The following TMEM232 variants were observed in gnomAD, a reference collection of about 807,000 sequenced individuals.
The protein encoded by TMEM232 is transmembrane protein 232.
Under a neutral mutation model 78.8 loss-of-function variants are expected in TMEM232, and 80 were observed. The observed-to-expected ratio is 1.01, with a 90% confidence interval of 0.85 to 1.22. The LOEUF (loss-of-function observed/expected upper bound fraction) is 1.22, where lower values mean the gene tolerates loss of function less well. Ranked by LOEUF, TMEM232 falls within the 50% of genes most tolerant of loss-of-function variation. The probability of loss-of-function intolerance (pLI) is 0.00; values close to 1 mark genes in which losing one functional copy is unlikely to be tolerated. For synonymous variants in TMEM232, 297 were observed against 254.3 expected (o/e 1.17, Z -1.60); for missense variants, 881 against 742.2 (o/e 1.19, Z -2.17).
chr5:110,417,953 G>A (rs1051337841), downstream of TMEM232: 8 of 152,120 alleles, frequency 5.3e-5, no homozygotes, highest in African/African-American at 1.9e-4. Flanking sequence ...TGCACTCCCA[G>A]AACCAGTTGT....
chr5:110,628,243 T>G (rs993787906), intron 5 of TMEM232, among the ~76,000 whole-genome samples: 7 of 152,134 alleles, frequency 4.6e-5, no homozygotes, highest in Non-Finnish European at 1.0e-4. Flanking sequence ...AAAATATATT[T>G]TACTGTACAA....
intron 8 of TMEM232, among the ~76,000 whole-genome samples, chr5:110,614,222 C>A (rs2149872794): frequency 6.6e-6 from 1 of 152,084 alleles, no homozygotes; most frequent in East Asian, 1.9e-4. Context: ...AAATATCCTC[C>A]CAGAAAAAGT....
chr5:110,649,304 T>C (rs1228311594), intron 2 of TMEM232, among the ~76,000 whole-genome samples: 1 of 152,080 alleles, frequency 6.6e-6, no homozygotes, highest in East Asian at 1.9e-4. Context: ...GATTTCTTTA[T>C]TTAAAAGGGT....
intron 1 of TMEM232, among the ~76,000 whole-genome samples, chr5:110,684,568 G>GT (rs1431162627): frequency 6.6e-6 from 1 of 152,158 alleles, no homozygotes; most frequent in African/African-American, 2.4e-5. Flanking sequence ...AAAGAGGTTT[G>GT]TAAGTGCAGC....
chr5:110,585,849 C>A (rs955845416), intron 10 of TMEM232, among the ~76,000 whole-genome samples: 1 of 152,030 alleles, frequency 6.6e-6, no homozygotes, highest in Non-Finnish European at 1.5e-5. Flanking sequence ...CCCTTCTCAC[C>A]CTTACCTTGA....
At chr5:110,488,587 A>C (rs1764709276) in intron 12 of TMEM232, among the ~76,000 whole-genome samples, 1 of 152,058 alleles carries the variant, frequency 6.6e-6, no homozygotes, top group African/African-American at 2.4e-5. Flanking sequence ...TAACCCTTGG[A>C]AGAAAACATA....
chr5:110,618,688 T>A, intron 7 of TMEM232, 126 bp from the exon 8 acceptor site: 1 of 1,018,974 alleles, frequency 9.8e-7, no homozygotes, highest in Non-Finnish European at 1.4e-6. Context: ...TCTTACACTT[T>A]ATATTTCACC....
chr5:110,444,432 A>G (rs988354981), intron 12 of TMEM232, among the ~76,000 whole-genome samples: 1 of 152,050 alleles, frequency 6.6e-6, no homozygotes, highest in African/African-American at 2.4e-5. Flanking sequence ...ATGTAGCCAC[A>G]GCTGGGGGGT....
intron 12 of TMEM232, among the ~76,000 whole-genome samples, chr5:110,462,371 A>G (rs1209800132): frequency 6.6e-6 from 1 of 152,170 alleles, no homozygotes; most frequent in Non-Finnish European, 1.5e-5. Flanking sequence ...ATGGAGATTA[A>G]TATTCGAGTT....
rs374219408 is a variant in TMEM232, at chr5:110,520,050, T to TATATAG, written c.1703+8537_1703+8538insCTATAT. ...TTATATATTTATGTATATATATATA[T>TATATAG]AGAGAGAGAGAGAGAGAGGATTAGG... On this transcript the variant is annotated intron_variant, in intron 12 of 13. Transcript: ENST00000455884. Among the ~76,000 whole-genome samples, 82 of 147,258 alleles carry TATATAG rather than the reference T, an allele frequency of 5.6e-4. 1 individual carries two copies. Among genetic ancestry groups the TATATAG allele is most frequent in the South Asian group, 1.5e-3 (7 of 4,614 alleles).
chr5:110,604,918 T>G (rs1187232984), intron 10 of TMEM232, among the ~76,000 whole-genome samples, 191 bp downstream of exon 10: 1 of 152,134 alleles, frequency 6.6e-6, no homozygotes, highest in East Asian at 1.9e-4. Context: ...ATCACGCCAC[T>G]GCACCGCAGC....
At chr5:110,509,002 A>ATATATAAAATTATATATGTG (rs1767353285) in intron 12 of TMEM232, among the ~76,000 whole-genome samples, 1 of 130,140 alleles carries the variant, frequency 7.7e-6, no homozygotes, top group African/African-American at 3.8e-5. Flanking sequence ...ATATATGTAT[A>ATATATAAAATTATATATGTG]TATATATGTA....
At chr5:110,737,869 C>T (rs1283417252) in intron 1 of TMEM232, 1 of 153,460 alleles carries the variant, frequency 6.5e-6, no homozygotes, top group African/African-American at 2.4e-5. Context: ...AGACTCAACA[C>T]CTTTGCCCAA....
intron 4 of TMEM232, among the ~76,000 whole-genome samples, chr5:110,639,795 A>T (rs910838676): frequency 1.3e-4 from 20 of 152,188 alleles, no homozygotes; most frequent in African/African-American, 4.1e-4. Context: ...TCTCACAAGG[A>T]GCACCGCAGC....
intron 12 of TMEM232, among the ~76,000 whole-genome samples, chr5:110,458,365 G>A (rs1248739732): frequency 6.6e-6 from 1 of 151,594 alleles, no homozygotes; most frequent in Non-Finnish European, 1.5e-5. Flanking sequence ...TTATTTCTAT[G>A]AGGATACTGC....
intron 12 of TMEM232, among the ~76,000 whole-genome samples, chr5:110,506,701 G>A (rs1304785462): frequency 6.6e-6 from 1 of 152,128 alleles, no homozygotes; most frequent in African/African-American, 2.4e-5. Flanking sequence ...CAGCAACAGA[G>A]CATATAAACA....
chr5:110,529,837 T>C (rs1463434935), intron 11 of TMEM232, among the ~76,000 whole-genome samples: 1 of 152,220 alleles, frequency 6.6e-6, no homozygotes, highest in African/African-American at 2.4e-5. Flanking sequence ...TCAGCAATAA[T>C]AAATGAAAAT....
At chr5:110,390,475 T>G (rs73782447) in exon 4 of TMEM232, 1 of 152,202 alleles carries the variant, frequency 6.6e-6, no homozygotes, top group Admixed American at 6.5e-5. Context: ...AAATCTGAGC[T>G]GAGTCCAACA....
At chr5:110,713,739 TA>T (rs202016640) in intron 1 of TMEM232, among the ~76,000 whole-genome samples, 1 of 151,908 alleles carries the variant, frequency 6.6e-6, no homozygotes, top group Non-Finnish European at 1.5e-5. Flanking sequence ...TTTATCTTCT[TA>T]AAAAAAATCA....
Sources: allele counts gnomAD v4.1 joint callset (sites outside exome capture counted in the v4.1 genomes callset), GRCh38; gene constraint gnomAD v4.1.1; transcripts MANE v1.5; gene names NCBI Gene and HGNC (gene_info 2026-07-23, HGNC 2026-07-21).